The following FNIP2 variants were observed in gnomAD, a reference collection of about 807,000 sequenced individuals.
The protein encoded by FNIP2 is folliculin interacting protein 2.
FNIP2 carries 32 observed loss-of-function variants against 108.7 expected under a neutral mutation model. The ratio of observed to expected loss-of-function variants is 0.29; its 90% CI spans 0.22 to 0.40. The LOEUF (loss-of-function observed/expected upper bound fraction) is 0.40, where lower values mean the gene tolerates loss of function less well. FNIP2 is among the 10% of genes least tolerant of loss of function. The pLI is 1.00. For missense variants in FNIP2, 1,202 were observed against 1,381.6 expected (o/e 0.87, Z 2.06); for synonymous variants, 480 against 496.7 (o/e 0.97, Z 0.45).
At chr4:158,801,688 C>G (rs1776768921) in intron 1 of FNIP2, among the ~76,000 whole-genome samples, 1 of 152,196 alleles carries the variant, frequency 6.6e-6, no homozygotes, top group Non-Finnish European at 1.5e-5. Flanking sequence ...CATAAAAGAG[C>G]ACTCAGTGGA....
At chr4:158,809,078 G>T (rs1003716963) in intron 1 of FNIP2, among the ~76,000 whole-genome samples, 1 of 152,058 alleles carries the variant, frequency 6.6e-6, no homozygotes, top group African/African-American at 2.4e-5. Context: ...CAAAATTCTA[G>T]AGTCAACAAA....
Position 158,834,329 on chromosome 4 carries a change from T to TCTCTCTCTCTCTCTCTCC in FNIP2, c.655+702_655+703insTCTCTCTCTCTCTCTCCC, listed in dbSNP as rs1194083212. The TCTCTCTCTCTCTCTCTCC allele has an allele frequency of 4.8e-4, 72 of 149,516 alleles. 3 individuals are homozygous for TCTCTCTCTCTCTCTCTCC. The highest frequency in any genetic ancestry group is 1.7e-3 in the African/African-American group (67 of 39,190). 9.3% of individuals were successfully genotyped at this position (149,516 alleles called of 1,614,324 possible). ...CTCTCTCTCTCTCTCTCTCTCTCTC[T>TCTCTCTCTCTCTCTCTCC]CCCTCTCTAAGTAGTGTAAATACAA... is the stretch of plus-strand genomic sequence containing the variant. On this transcript the variant is annotated intron_variant, in intron 6 of 16. Coordinates refer to ENST00000264433, the MANE Select transcript of FNIP2 (RefSeq NM_020840.3).
chr4:158,861,657 T>TC lies in FNIP2; in HGVS notation c.1349dup (p.Thr451AsnfsTer32). 6.2e-7 allele frequency: 1 copy of TC among 1,613,980 alleles called. No homozygotes were observed. Among genetic ancestry groups the TC allele is most frequent in the Non-Finnish European group, 8.5e-7 (1 of 1,179,890 alleles). ...GTGTTAACCTACCACCTGGCCTGGG[T>TC]CCCAACTGTCATGCCTGTGGATCAC... On this transcript the variant is annotated frameshift_variant, in exon 12 of 17. Transcript: ENST00000264433. LOFTEE classifies it high-confidence loss of function.
intron 1 of FNIP2, among the ~76,000 whole-genome samples, chr4:158,819,061 A>C (rs1446688606): frequency 1.3e-5 from 2 of 152,158 alleles, no homozygotes; most frequent in Non-Finnish European, 2.9e-5. Context: ...AATATAGTTA[A>C]CTTAATATTT....
rs1399169825 is a variant in FNIP2 at position 158,780,550 on chromosome 4, A to AT, written c.107+11234dup. Reference sequence around the variant, plus strand: ...TTATTAGCCAATTTATAGATTATAAATTTACCATAATTTATGGATGAACAC... The same window carrying AT: ...TTATTAGCCAATTTATAGATTATAAATTTTACCATAATTTATGGATGAACAC... On this transcript the variant is annotated intron_variant, in intron 1 of 16. Transcript: ENST00000264433. 2.0e-5 allele frequency among the ~76,000 whole-genome samples: 3 copies of AT among 152,346 alleles called. No individual in the cohort carries two copies. The East Asian group carries it at 5.8e-4, about 29-fold the overall frequency.
intron 1 of FNIP2, among the ~76,000 whole-genome samples, chr4:158,786,612 C>T (rs1776232291): frequency 6.6e-6 from 1 of 152,128 alleles, no homozygotes. Flanking sequence ...ATTATTTCAA[C>T]TATAAATTGT....
chr4:158,824,294 G>T (rs575991221), intron 1 of FNIP2, among the ~76,000 whole-genome samples: 1 of 152,310 alleles, frequency 6.6e-6, no homozygotes, highest in South Asian at 2.1e-4. Context: ...GAAGAACTAG[G>T]AGGCCAGAGG....
intron 1 of FNIP2, chr4:158,806,015 T>G: frequency 1.6e-6 from 1 of 614,280 alleles, no homozygotes; most frequent in Non-Finnish European, 2.1e-6. Flanking sequence ...GCAGGCTTAA[T>G]TTACGTAACA....
intron 14 of FNIP2, among the ~76,000 whole-genome samples, chr4:158,884,807 G>A (rs1781929141): frequency 6.6e-6 from 1 of 152,070 alleles, no homozygotes; most frequent in Admixed American, 6.6e-5. Flanking sequence ...GGCAACAGGA[G>A]AGAGAGCAAG....
chr4:158,886,382 C>T (rs1032512225), intron 14 of FNIP2, among the ~76,000 whole-genome samples: 36 of 152,312 alleles, frequency 2.4e-4, no homozygotes, highest in African/African-American at 7.9e-4. Flanking sequence ...TTCTTCTATC[C>T]GCAAGTCCCT....
chr4:158,878,498 G>A (rs533847911), intron 14 of FNIP2, among the ~76,000 whole-genome samples: 1 of 152,292 alleles, frequency 6.6e-6, no homozygotes, highest in South Asian at 2.1e-4. Context: ...CTACCCGAGT[G>A]ATTTGCGAAT....
At chr4:158,830,817 C>A (rs1480631723) in intron 3 of FNIP2, among the ~76,000 whole-genome samples, 3 of 152,166 alleles carry the variant, frequency 2.0e-5, no homozygotes, top group Admixed American at 1.3e-4. Flanking sequence ...AGCATTCATA[C>A]CTGTCCTGTT....
At chr4:158,852,664 G>A (rs950022485) in intron 8 of FNIP2, among the ~76,000 whole-genome samples, 1 of 152,152 alleles carries the variant, frequency 6.6e-6, no homozygotes, top group African/African-American at 2.4e-5. Context: ...GCAATAAAAT[G>A]TGGCCAATGT....
rs547249197 is a variant in FNIP2, at chr4:158,900,901, C to T, written c.3267-3565C>T. ...TATGATGCTAGTTGGTTTTTTTGCC[C>T]GTTAGTTGATGCAGTTTCTTCATAG... On this transcript the variant is annotated intron_variant, in intron 16 of 16. Coordinates refer to ENST00000264433, the MANE Select transcript of FNIP2 (RefSeq NM_020840.3). Among the ~76,000 whole-genome samples, 7 of 152,074 alleles carry T rather than the reference C, an allele frequency of 4.6e-5. No homozygotes were observed. The South Asian group carries it at 1.0e-3, about 23-fold the overall frequency.
chr4:158,769,328 G>T lies in FNIP2; in HGVS notation c.107+9G>T, dbSNP rs1262952333. The T allele has an allele frequency of 2.7e-6, 4 of 1,477,328 alleles. No homozygotes were observed. Among genetic ancestry groups the T allele is most frequent in the Non-Finnish European group, 3.6e-6 (4 of 1,112,996 alleles). The allele number at this position is 1,477,328 out of a possible 1,614,324, so 91.5% of individuals were successfully genotyped here. A position where few individuals can be genotyped will look rare whatever the true frequency, so the allele number is the denominator to read the frequency against. On this transcript the variant is annotated intron_variant, in intron 1 of 16. Transcript: ENST00000264433. The stretch of plus-strand genomic sequence containing the variant: ...GAAGGACCCGCCTTTAGGTGAGGGG[G>T]CGCCGGGGGGCAATTCTGGCGCGGG...
At chr4:158,811,550 A>G (rs1370824662) in intron 1 of FNIP2, among the ~76,000 whole-genome samples, 1 of 115,364 alleles carries the variant, frequency 8.7e-6, no homozygotes, top group South Asian at 2.5e-4. Flanking sequence ...TTTAAATAAT[A>G]TTAATTAATA....
At position 158,839,693 on chromosome 4, in the gene FNIP2, G is replaced by A. The variant is rs1779015590; in HGVS notation, c.727+4217G>A. Among the ~76,000 whole-genome samples, 2 of 152,298 alleles carry A rather than the reference G, an allele frequency of 1.3e-5. 1 individual carries two copies. Among genetic ancestry groups the A allele is most frequent in the East Asian group, 3.9e-4 (2 of 5,176 alleles). ...ACTTCATTTATTTGTTGCTCAAATTGTTTCGGTTTTGACCATTGGGAGCTC... is the reference window on the plus strand; with the variant it reads ...ACTTCATTTATTTGTTGCTCAAATTATTTCGGTTTTGACCATTGGGAGCTC... On this transcript the variant is annotated intron_variant, in intron 7 of 16. Transcript: ENST00000264433.
intron 7 of FNIP2, among the ~76,000 whole-genome samples, chr4:158,846,675 A>G (rs1302044984): frequency 6.6e-6 from 1 of 152,228 alleles, no homozygotes; most frequent in Non-Finnish European, 1.5e-5. Flanking sequence ...AACAAAATAC[A>G]GGTTAACAAG....
chr4:158,784,761 C>T lies in FNIP2; in HGVS notation c.107+15442C>T, dbSNP rs1218432097. ...TCAGGCAGTAATGCTCACTCGCCCA[C>T]CACTCATCTCCTGCTTTGTGGCCCG... On this transcript the variant is annotated intron_variant, in intron 1 of 16. Transcript: ENST00000264433. 2.6e-5 allele frequency among the ~76,000 whole-genome samples: 4 copies of T among 152,340 alleles called. 1 individual carries two copies. In the South Asian group the frequency reaches 6.2e-4, roughly 24 times the overall value.
Sources: gnomAD v4.1 joint callset for allele counts (sites outside exome capture counted in the v4.1 genomes callset) on GRCh38, gnomAD v4.1.1 for gene constraint, MANE v1.5 for transcripts, NCBI Gene and HGNC (gene_info 2026-07-23, HGNC 2026-07-21) for gene names.